PLEKHG5: variants seen among roughly 807,000 people sequenced by gnomAD.
PLEKHG5 encodes pleckstrin homology domain-containing family G member 5.
Under a neutral mutation model 103.8 loss-of-function variants are expected in PLEKHG5, and 52 were observed. The observed-to-expected ratio is 0.50, with a 90% confidence interval of 0.40 to 0.63. PLEKHG5 has a LOEUF of 0.63. Ranked by LOEUF, PLEKHG5 falls within the 30% of genes least tolerant of loss-of-function variation. PLEKHG5 has a pLI of 0.00. For synonymous variants in PLEKHG5, 592 were observed against 575.5 expected, an observed-to-expected ratio of 1.03 and a Z score of -0.41; for missense variants, 1,205 against 1,347.6, an observed-to-expected ratio of 0.89 and a Z score of 1.66.
rs777894074 is a variant in PLEKHG5 at position 6,470,753 on chromosome 1, C to T, written c.1524G>A (p.Lys508=). The change falls in exon 14 of 21, where the codon AAG becomes AAA. Residue 508 remains lysine (K), a synonymous_variant. Transcript: ENST00000377728. The stretch of plus-strand genomic sequence containing the variant: ...GGGTTACCATGGCGACGACGGCCTC[C>T]TTGGCGCGCGGCTCCTCGGTCTTCC... The part of the protein sequence containing the change: ...VLRKTEEPRA[K]EAVVAMIGSV... The T allele has an allele frequency of 9.0e-6, 14 of 1,562,030 alleles. No individual in the cohort carries two copies. Among genetic ancestry groups the T allele is most frequent in the South Asian group, 1.2e-5 (1 of 85,368 alleles).
At chr1:6,512,577 C>T (rs947677953) in intron 1 of PLEKHG5, among the ~76,000 whole-genome samples, 1 of 152,238 alleles carries the variant, frequency 6.6e-6, no homozygotes, top group Non-Finnish European at 1.5e-5. Flanking sequence ...ACCCAACCAC[C>T]AGCTGCAGCC....
Position 6,474,041 on chromosome 1 carries a change from T to TG in PLEKHG5, c.562dup (p.Gln188ProfsTer110). Reference sequence around the variant, plus strand: ...GATGTCCAGGCTCTCCCGGCGGCTCTGGGCGTCCACACGCTCCAGGGCGGG... The same window carrying TG: ...GATGTCCAGGCTCTCCCGGCGGCTCTGGGGCGTCCACACGCTCCAGGGCGGG... On this transcript the variant is annotated frameshift_variant, in exon 7 of 21. Transcript: ENST00000377728. LOFTEE classifies it high-confidence loss of function. 1 of 1,545,548 alleles carries TG rather than the reference T, an allele frequency of 6.5e-7. No individual in the cohort carries two copies. The highest frequency in any genetic ancestry group is 1.1e-5 in the South Asian group (1 of 89,640).
chr1:6,502,037 G>A (rs982580701), intron 1 of PLEKHG5, among the ~76,000 whole-genome samples: 11 of 152,232 alleles, frequency 7.2e-5, no homozygotes, highest in South Asian at 6.2e-4. Context: ...GTCCCCTCCC[G>A]CGTGAGCCCC....
upstream of PLEKHG5, chr1:6,497,238 G>A (rs1018473461): frequency 2.1e-5 from 18 of 868,558 alleles, no homozygotes; most frequent in African/African-American, 2.7e-4. The surrounding 1 kb of genome is among the most constrained non-coding windows in gnomAD (Gnocchi z 6.1). Flanking sequence ...GCCTGGAGCG[G>A]GCCCTCCCCG....
At chr1:6,472,134 G>A (rs1644610245) in intron 10 of PLEKHG5, among the ~76,000 whole-genome samples, 1 of 152,178 alleles carries the variant, frequency 6.6e-6, no homozygotes, top group Non-Finnish European at 1.5e-5. Context: ...TCACCTCTGA[G>A]GGTGCTTCCT....
rs1468174298 is a variant in PLEKHG5 at position 6,516,500 on chromosome 1, T to C, written c.-165+2945A>G. 3.3e-5 allele frequency among the ~76,000 whole-genome samples: 5 copies of C among 151,466 alleles called. No individual in the cohort carries two copies. The East Asian group carries it at 7.8e-4, about 24-fold the overall frequency. Reference sequence around the variant, plus strand: ...GGTGAAACCCCATCTCTACTAAAAATACAAAAATTAGCTGGACGTGGTGGC... The same window carrying C: ...GGTGAAACCCCATCTCTACTAAAAACACAAAAATTAGCTGGACGTGGTGGC... On this transcript the variant is annotated intron_variant, in intron 1 of 21. Transcript: ENST00000377740.
At chr1:6,509,620 G>T (rs777154810) in intron 1 of PLEKHG5, among the ~76,000 whole-genome samples, 2 of 152,182 alleles carry the variant, frequency 1.3e-5, no homozygotes, top group African/African-American at 2.4e-5. Context: ...ACGGGCCCCT[G>T]AACATCCTTT....
exon 1 of PLEKHG5, chr1:6,519,487 C>A: frequency 6.2e-7 from 1 of 1,614,030 alleles, no homozygotes; most frequent in South Asian, 1.1e-5. Flanking sequence ...GGTGGAGACC[C>A]ATGTTTTGTC....
intron 12 of PLEKHG5, 54 bp from the exon 13 acceptor site, chr1:6,471,154 C>T: frequency 7.1e-7 from 1 of 1,414,840 alleles, no homozygotes; most frequent in Non-Finnish European, 9.8e-7. Flanking sequence ...CCCTGCGGGC[C>T]GGCCCGCGCC....
At chr1:6,492,829 G>T (rs748622358), upstream of PLEKHG5, among the ~76,000 whole-genome samples, 1 of 151,954 alleles carries the variant, frequency 6.6e-6, no homozygotes, top group Non-Finnish European at 1.5e-5. Context: ...TTCTCTCCTG[G>T]GGTCTCCATG....
intron 1 of PLEKHG5, chr1:6,519,334 T>G (rs1570018790): frequency 1.2e-6 from 1 of 862,358 alleles, no homozygotes; most frequent in East Asian, 2.4e-5. Context: ...CCGTCCGGAC[T>G]AATTCAGTGA....
At chr1:6,516,866 G>GTGTGTGTGTGTA (rs1288870331) in intron 1 of PLEKHG5, among the ~76,000 whole-genome samples, 3 of 25,828 alleles carry the variant, frequency 1.2e-4, no homozygotes, top group Admixed American at 8.0e-4. Context: ...GTATATATGT[G>GTGTGTGTGTGTA]TATATATATA....
At position 6,468,519 on chromosome 1, in the gene PLEKHG5, G is replaced by A. The variant is rs1221694389; in HGVS notation, c.2317C>T (p.Pro773Ser). Residue 773 changes from proline (P) to serine (S), a missense_variant, in exon 20 of 21, where the codon CCC (proline) becomes TCC (serine). By Grantham distance (74) the Pro-to-Ser change is moderately conservative. Coordinates refer to ENST00000377728, the MANE Select transcript of PLEKHG5 (RefSeq NM_020631.6). ...CTGAAAGGACCGCTGTCGAACTCGGGGGAGGACAGCGTGTCCCCAGGCTCT... is the reference window on the plus strand; with the variant it reads ...CTGAAAGGACCGCTGTCGAACTCGGAGGAGGACAGCGTGTCCCCAGGCTCT... The part of the protein sequence containing the change: ...VVEPGDTLSS[P>S]EFDSGPFSSQ... 6 of 1,612,778 alleles carry A rather than the reference G, an allele frequency of 3.7e-6. No homozygotes were observed. The African/African-American group carries it at 4.0e-5, about 11-fold the overall frequency.
Position 6,473,450 on chromosome 1 carries a change from G to A in PLEKHG5, c.596C>T (p.Pro199Leu), listed in dbSNP as rs1210032073. Reference sequence around the variant, plus strand: ...CGACATGTTCTTGCGGCGGCGGCCAGGGGCCTGGTCAGGGAAGGGTGGTCA... The same window carrying A: ...CGACATGTTCTTGCGGCGGCGGCCAAGGGCCTGGTCAGGGAAGGGTGGTCA... Reference protein sequence around the residue: ...SRRESLDILAPGRRRKNMSEF... With the variant: ...SRRESLDILALGRRRKNMSEF... Residue 199 changes from proline (P) to leucine (L), a missense_variant, in exon 8 of 21, where the codon CCT (proline) becomes CTT (leucine). Physicochemically the swap from Pro to Leu is moderately conservative, Grantham distance 98. Coordinates refer to ENST00000377728, the MANE Select transcript of PLEKHG5 (RefSeq NM_020631.6). 1 of 1,528,918 alleles carries A rather than the reference G, an allele frequency of 6.5e-7. No individual in the cohort carries two copies. Among genetic ancestry groups the A allele is most frequent in the East Asian group, 2.5e-5 (1 of 40,674 alleles). The allele number at this position is 1,528,918 out of a possible 1,614,324, so 94.7% of individuals were successfully genotyped here.
chr1:6,478,651 T>TA (rs1265510964), intron 1 of PLEKHG5, among the ~76,000 whole-genome samples: 2 of 152,230 alleles, frequency 1.3e-5, no homozygotes, highest in Admixed American at 1.3e-4. Flanking sequence ...TTTATTTTTT[T>TA]AAATTTTTCT....
At chr1:6,513,938 T>TAG (rs1316926167) in intron 1 of PLEKHG5, among the ~76,000 whole-genome samples, 1 of 152,216 alleles carries the variant, frequency 6.6e-6, no homozygotes, top group East Asian at 1.9e-4. Flanking sequence ...TCTCAACCCA[T>TAG]CTTGGCATTA....
intron 5 of PLEKHG5, 142 bp downstream of exon 5, chr1:6,474,905 C>A (rs927352037): frequency 9.2e-6 from 7 of 763,716 alleles, no homozygotes; most frequent in Admixed American, 6.9e-5. Flanking sequence ...CACACCAGCA[C>A]GGGTCTGCCC....
At chr1:6,492,327 C>T (rs537344222), upstream of PLEKHG5, among the ~76,000 whole-genome samples, 10 of 152,264 alleles carry the variant, frequency 6.6e-5, no homozygotes, top group South Asian at 1.2e-3. Context: ...TGACCTGGGA[C>T]GCCCTGACTA....
chr1:6,507,374 ATC>A (rs386628083), intron 1 of PLEKHG5, among the ~76,000 whole-genome samples: 2,099 of 152,244 alleles, frequency 0.014, 40 homozygotes, highest in African/African-American at 0.047. Context: ...GGTGGGGGTG[ATC>A]AGAGGGCCAT....
Sources: gnomAD v4.1 joint callset for allele counts (sites outside exome capture counted in the v4.1 genomes callset) on GRCh38, gnomAD v4.1.1 for gene constraint, Gnocchi (gnomAD v3.1) non-coding constraint, MANE v1.5 for transcripts, NCBI Gene and HGNC (gene_info 2026-07-23, HGNC 2026-07-21) for gene names.